The following PTPRM variants were observed in gnomAD, a reference collection of about 807,000 sequenced individuals.
PTPRM encodes receptor-type tyrosine-protein phosphatase mu.
PTPRM carries 47 observed loss-of-function variants against 186.7 expected under a neutral mutation model. That is an observed-to-expected ratio of 0.25 (90% CI 0.20 to 0.32). PTPRM has a LOEUF of 0.32. PTPRM is among the 10% of genes least tolerant of loss of function. The pLI is 1.00. For missense variants in PTPRM, 1,494 were observed against 1,865.0 expected, an observed-to-expected ratio of 0.80 and a Z score of 3.66; for synonymous variants, 668 against 674.9, an observed-to-expected ratio of 0.99 and a Z score of 0.16.
chr18:7,593,235 C>T (rs760057500), intron 1 of PTPRM, among the ~76,000 whole-genome samples: 53 of 151,936 alleles, frequency 3.5e-4, no homozygotes, highest in Non-Finnish European at 6.0e-4. Context: ...ATGGTCTTAC[C>T]GAAATTTCAG....
chr18:7,577,513 A>G (rs982220519), intron 1 of PTPRM, among the ~76,000 whole-genome samples: 7 of 152,200 alleles, frequency 4.6e-5, no homozygotes, highest in Admixed American at 1.3e-4. Flanking sequence ...AATGAAATGA[A>G]TTATACCTAC....
In PTPRM at chr18:7,888,317, A is replaced by G; in HGVS notation, c.408A>G (p.Pro136=). The G allele has an allele frequency of 6.2e-7, 1 of 1,614,220 alleles. No individual in the cohort carries two copies. Residue 136 remains proline, a synonymous_variant, in exon 3 of 33, where the codon CCA becomes CCG. Coordinates refer to ENST00000580170, the MANE Select transcript of PTPRM (RefSeq NM_001105244.2). ...CTATCTGGAATATATCTGGAGACCCAACACGTACATGGAACAGGGCAGAAC... is the reference window on the plus strand; with the variant it reads ...CTATCTGGAATATATCTGGAGACCCGACACGTACATGGAACAGGGCAGAAC... ...GNPIWNISGD[P]TRTWNRAELA... is the part of the protein sequence containing the mutation.
chr18:8,172,167 T>C (rs4798609), intron 14 of PTPRM, among the ~76,000 whole-genome samples: 25,831 of 151,954 alleles, frequency 0.17, 2,671 homozygotes, highest in East Asian at 0.32. Flanking sequence ...CTCACAGTTC[T>C]ACGTGGCTGG....
chr18:7,768,513 A>C (rs1003399648), intron 1 of PTPRM, among the ~76,000 whole-genome samples: 1 of 152,152 alleles, frequency 6.6e-6, no homozygotes, highest in African/African-American at 2.4e-5. Flanking sequence ...AAGAATAAAA[A>C]GCATGTGGGT....
intron 14 of PTPRM, among the ~76,000 whole-genome samples, chr18:8,182,061 C>T (rs1003195508): frequency 2.0e-4 from 31 of 152,036 alleles, no homozygotes; most frequent in African/African-American, 7.0e-4. Context: ...TTTCCTATGC[C>T]ATTATTGTAC....
chr18:8,170,357 A>T (rs1475792049), intron 14 of PTPRM, among the ~76,000 whole-genome samples: 1 of 152,176 alleles, frequency 6.6e-6, no homozygotes, highest in Non-Finnish European at 1.5e-5. Flanking sequence ...CCGCACAGTT[A>T]TAGTCAGTTA....
chr18:7,946,914 CATGCCT>C, intron 5 of PTPRM: 1 of 456,122 alleles, frequency 2.2e-6, no homozygotes, highest in Non-Finnish European at 4.4e-6. Context: ...AAGGGCTGAG[CATGCCT>C]AGCCCAGCCC....
intron 2 of PTPRM, among the ~76,000 whole-genome samples, chr18:7,809,721 G>T (rs1331407218): frequency 6.6e-6 from 1 of 152,054 alleles, no homozygotes; most frequent in African/African-American, 2.4e-5. Context: ...TAAATGCTCT[G>T]GATACCTGAG....
chr18:7,850,720 A>G (rs568331656), intron 2 of PTPRM, among the ~76,000 whole-genome samples: 3 of 152,338 alleles, frequency 2.0e-5, no homozygotes, highest in Non-Finnish European at 2.9e-5. Flanking sequence ...ATCTGTTCCC[A>G]GCCTGTGCCT....
intron 1 of PTPRM, among the ~76,000 whole-genome samples, chr18:7,700,105 A>T (rs566958295): frequency 6.6e-6 from 1 of 152,388 alleles, no homozygotes; most frequent in South Asian, 2.1e-4. Flanking sequence ...TAGAATATGC[A>T]ATCAGAGTCA....
At chr18:8,157,678 C>T (rs747455122) in intron 14 of PTPRM, among the ~76,000 whole-genome samples, 38 of 152,106 alleles carry the variant, frequency 2.5e-4, no homozygotes, top group African/African-American at 7.7e-4. Flanking sequence ...AGTGGAGAGC[C>T]GGATTATAGG....
intron 1 of PTPRM, among the ~76,000 whole-genome samples, chr18:7,688,139 G>A (rs935736699): frequency 2.0e-5 from 3 of 152,102 alleles, no homozygotes; most frequent in Admixed American, 6.6e-5. Context: ...CTGAGCATAT[G>A]GCATCATATT....
intron 23 of PTPRM, among the ~76,000 whole-genome samples, chr18:8,344,448 G>GTGTGTATATATATA (rs1360655194): frequency 1.5e-4 from 5 of 33,420 alleles, no homozygotes; most frequent in African/African-American, 3.0e-4. Context: ...GTGTGTGTGT[G>GTGTGTATATATATA]TATATATATA....
intron 7 of PTPRM, among the ~76,000 whole-genome samples, chr18:8,066,565 C>T (rs754145665): frequency 2.6e-5 from 4 of 152,166 alleles, no homozygotes; most frequent in African/African-American, 4.8e-5. Flanking sequence ...GACCCTGCCA[C>T]GTTGATAGCA....
At chr18:7,607,132 C>G (rs895609580) in intron 1 of PTPRM, among the ~76,000 whole-genome samples, 3 of 152,052 alleles carry the variant, frequency 2.0e-5, no homozygotes, top group Non-Finnish European at 1.5e-5. Context: ...CAGTGTATGC[C>G]AGGCCCTGGG....
chr18:8,130,371 C>T (rs757899120), intron 13 of PTPRM, among the ~76,000 whole-genome samples: 3 of 152,098 alleles, frequency 2.0e-5, no homozygotes, highest in Non-Finnish European at 2.9e-5. Context: ...TCCATGAAAC[C>T]GCAAGGCCAA....
chr18:7,916,619 A>G (rs1354973011), intron 4 of PTPRM, among the ~76,000 whole-genome samples: 1 of 151,950 alleles, frequency 6.6e-6, no homozygotes, highest in Non-Finnish European at 1.5e-5. Context: ...TTCTTTTTTA[A>G]AAAAAATGTT....
chr18:7,750,798 A>G (rs1476311817), intron 1 of PTPRM, among the ~76,000 whole-genome samples: 2 of 152,130 alleles, frequency 1.3e-5, no homozygotes, highest in Non-Finnish European at 2.9e-5. Flanking sequence ...TCTCCAACAA[A>G]ACTGAACTCC....
chr18:8,192,906 G>T (rs1302897772), intron 14 of PTPRM, among the ~76,000 whole-genome samples: 1 of 152,114 alleles, frequency 6.6e-6, no homozygotes, highest in African/African-American at 2.4e-5. Flanking sequence ...TCAACACCTT[G>T]CTCAAATTTA....
Sources: gnomAD v4.1 joint callset for allele counts (sites outside exome capture counted in the v4.1 genomes callset) on GRCh38, gnomAD v4.1.1 for gene constraint, MANE v1.5 for transcripts, NCBI Gene and HGNC (gene_info 2026-07-23, HGNC 2026-07-21) for gene names.